SETD5: variants seen among roughly 807,000 people sequenced by gnomAD.
SETD5 encodes histone-lysine N-methyltransferase SETD5.
SETD5 carries 44 observed loss-of-function variants against 153.3 expected under a neutral mutation model. The observed-to-expected ratio is 0.29, with a 90% confidence interval of 0.23 to 0.37. The LOEUF (loss-of-function observed/expected upper bound fraction) is 0.37, where lower values mean the gene tolerates loss of function less well. SETD5 is among the 10% of genes least tolerant of loss of function. SETD5 has a pLI of 1.00. For synonymous variants in SETD5, 716 were observed against 645.2 expected (o/e 1.11, Z -1.66); for missense variants, 1,544 against 1,768.0 (o/e 0.87, Z 2.27).
In SETD5 at chr3:9,434,095, C is replaced by G. The variant is rs2040285895; in HGVS notation, c.177+145C>G. The G allele has an allele frequency of 1.0e-5, 16 of 1,566,858 alleles. No individual in the cohort carries two copies. Among genetic ancestry groups the G allele is most frequent in the Non-Finnish European group, 1.4e-5 (16 of 1,158,358 alleles). Reference sequence around the variant, plus strand: ...TTCCCTGACTCCAGCGGACGTCTAGCCCTGCATCATTGTTCTTGTTTTTAT... The same window carrying G: ...TTCCCTGACTCCAGCGGACGTCTAGGCCTGCATCATTGTTCTTGTTTTTAT... On this transcript the variant is annotated intron_variant, in intron 4 of 22. Transcript: ENST00000402198. The surrounding 1 kb of genome is among the most constrained non-coding windows in gnomAD (Gnocchi z 5.6).
At chr3:9,470,402 C>T in intron 18 of SETD5, 57 bp from the exon 19 acceptor site, 1 of 1,381,878 alleles carries the variant, frequency 7.2e-7, no homozygotes, top group Non-Finnish European at 1.0e-6. Flanking sequence ...CCTTTCTGCC[C>T]TTTGACTTTT....
chr3:9,453,311 GTC>G lies in SETD5; in HGVS notation c.2347-424_2347-423del, dbSNP rs60720696. On this transcript the variant is annotated intron_variant, in intron 16 of 22. Transcript: ENST00000402198. ...AATCTTTTTTATTACCTCTTCACAC[GTC>G]TCTAGCACGGGGCAGACAACTTTTA... is the stretch of plus-strand genomic sequence containing the variant. 4.8e-3 allele frequency among the ~76,000 whole-genome samples: 728 copies of G among 152,128 alleles called. 3 individuals are homozygous for G. Among genetic ancestry groups the G allele is most frequent in the African/African-American group, 0.016 (685 of 41,520 alleles).
At chr3:9,409,692 A>C (rs527492711) in intron 1 of SETD5, among the ~76,000 whole-genome samples, 1 of 152,182 alleles carries the variant, frequency 6.6e-6, no homozygotes, top group Non-Finnish European at 1.5e-5. Context: ...AGGAGTGTTC[A>C]TTGCTCTTGG....
chr3:9,442,272 T>A lies in SETD5; in HGVS notation c.1077+27T>A, dbSNP rs181743467. On this transcript the variant is annotated intron_variant, in intron 10 of 22. Coordinates refer to ENST00000402198, the MANE Select transcript of SETD5 (RefSeq NM_001080517.3). The stretch of plus-strand genomic sequence containing the variant: ...TAAGATATCTGTAGCAACTTCCCTT[T>A]GACTGGAACCATCAAATGACAAGCT... The A allele has an allele frequency of 2.0e-5, 29 of 1,467,928 alleles. No homozygotes were observed. In the Admixed American group the frequency reaches 3.9e-4, roughly 20 times the overall value. 90.9% of individuals were successfully genotyped at this position (1,467,928 alleles called of 1,614,324 possible).
intron 1 of SETD5, among the ~76,000 whole-genome samples, chr3:9,408,396 C>G (rs2036060102): frequency 6.6e-6 from 1 of 152,136 alleles, no homozygotes; most frequent in African/African-American, 2.4e-5. Context: ...ACTCCAATTA[C>G]TACAAAATAG....
At chr3:9,456,976 A>AAAAGAAAG (rs752632987) in intron 17 of SETD5, among the ~76,000 whole-genome samples, 5 of 151,620 alleles carry the variant, frequency 3.3e-5, no homozygotes, top group South Asian at 4.1e-4. Flanking sequence ...CTCCGTCTCA[A>AAAAGAAAG]AAAGAAAGAA....
At chr3:9,420,355 T>G (rs958516268) in intron 1 of SETD5, among the ~76,000 whole-genome samples, 1 of 152,196 alleles carries the variant, frequency 6.6e-6, no homozygotes, top group African/African-American at 2.4e-5. Flanking sequence ...GCACTAATTA[T>G]GAAGTTTTTT....
chr3:9,459,577 T>C (rs1302085758), intron 17 of SETD5, among the ~76,000 whole-genome samples: 2 of 151,522 alleles, frequency 1.3e-5, no homozygotes. Flanking sequence ...CAGACCATCC[T>C]GGCTAACACG....
intron 2 of SETD5, among the ~76,000 whole-genome samples, chr3:9,427,330 C>T (rs895276898): frequency 1.3e-5 from 2 of 152,290 alleles, no homozygotes; most frequent in Non-Finnish European, 2.9e-5. Context: ...GTGAGTGGAT[C>T]ACCGGAGGTC....
In SETD5 at chr3:9,476,195, A is replaced by G. The variant is rs1217826363; in HGVS notation, c.*104A>G. On this transcript the variant is annotated 3_prime_UTR_variant, in exon 23 of 23. Coordinates refer to ENST00000402198, the MANE Select transcript of SETD5 (RefSeq NM_001080517.3). ...CATATTGCTGAGGAACGGGGGGTAC[A>G]AGGTGCCAGAGGATTGGGTCTGGTG... 2 of 1,435,228 alleles carry G rather than the reference A, an allele frequency of 1.4e-6. No homozygotes were observed. The highest frequency in any genetic ancestry group is 1.9e-6 in the Non-Finnish European group (2 of 1,080,280). 88.9% of individuals were successfully genotyped at this position (1,435,228 alleles called of 1,614,324 possible).
At chr3:9,445,504 G>A in intron 12 of SETD5, 153 bp from the exon 13 acceptor site, 1 of 861,622 alleles carries the variant, frequency 1.2e-6, no homozygotes, top group Non-Finnish European at 1.8e-6. Flanking sequence ...GAGAATAGGG[G>A]TTAGTTATCA....
intron 17 of SETD5, among the ~76,000 whole-genome samples, chr3:9,454,435 A>G (rs1224486412): frequency 1.3e-5 from 2 of 152,038 alleles, no homozygotes; most frequent in South Asian, 4.1e-4. Flanking sequence ...CGTGGCCAAC[A>G]TGGTGAAACC....
intron 6 of SETD5, among the ~76,000 whole-genome samples, chr3:9,435,211 C>CCAG (rs2040410341): frequency 6.7e-6 from 1 of 148,368 alleles, no homozygotes; most frequent in East Asian, 2.0e-4. Context: ...CCAGTGCACT[C>CCAG]CAGCCTGGGC....
At chr3:9,408,510 T>A (rs1453602148) in intron 1 of SETD5, among the ~76,000 whole-genome samples, 1 of 152,228 alleles carries the variant, frequency 6.6e-6, no homozygotes, top group Non-Finnish European at 1.5e-5. Flanking sequence ...TAGATTCTGT[T>A]TTTTCCATGT....
At chr3:9,405,580 TGAA>T (rs1051029182) in intron 1 of SETD5, among the ~76,000 whole-genome samples, 4 of 152,228 alleles carry the variant, frequency 2.6e-5, no homozygotes, top group Non-Finnish European at 4.4e-5. Flanking sequence ...ACCCCACTCC[TGAA>T]ATGTGAAGAC....
intron 17 of SETD5, among the ~76,000 whole-genome samples, chr3:9,457,527 A>G (rs972146577): frequency 2.0e-5 from 3 of 150,732 alleles, no homozygotes; most frequent in African/African-American, 7.3e-5. Flanking sequence ...ATAAGAGTTT[A>G]TTAATATCAC....
chr3:9,419,659 TTC>T (rs2038081558), intron 1 of SETD5, among the ~76,000 whole-genome samples: 1 of 152,236 alleles, frequency 6.6e-6, no homozygotes, highest in African/African-American at 2.4e-5. Context: ...CATCTTAATT[TTC>T]TTTCCTCTGA....
intron 12 of SETD5, 175 bp downstream of exon 12, chr3:9,445,475 C>A: frequency 1.1e-6 from 1 of 931,850 alleles, no homozygotes; most frequent in Non-Finnish European, 1.6e-6. Flanking sequence ...CAAAAACATC[C>A]TTTGCTGGTT....
At chr3:9,446,156 G>A (rs1354208799) in intron 13 of SETD5, among the ~76,000 whole-genome samples, 14 of 150,822 alleles carry the variant, frequency 9.3e-5, no homozygotes, top group East Asian at 2.0e-4. Context: ...GCGCGGTGGC[G>A]GGTGCCTGTA....
Sources: allele counts gnomAD v4.1 joint callset (sites outside exome capture counted in the v4.1 genomes callset), GRCh38; gene constraint gnomAD v4.1.1; non-coding constraint Gnocchi (gnomAD v3.1); transcripts MANE v1.5; gene names NCBI Gene and HGNC (gene_info 2026-07-23, HGNC 2026-07-21).